Variants in VPS50 observed in about 807,000 individuals in gnomAD.
VPS50 encodes VPS50 subunit of EARP/GARPII complex, also known as syndetin.
VPS50 carries 70 observed loss-of-function variants against 139.7 expected under a neutral mutation model. The observed-to-expected ratio is 0.50, with a 90% confidence interval of 0.41 to 0.61. VPS50 has a LOEUF of 0.61. VPS50 is among the 20% of genes least tolerant of loss of function. The pLI is 0.00. For synonymous variants in VPS50, 365 were observed against 376.7 expected, an observed-to-expected ratio of 0.97 and a Z score of 0.36; for missense variants, 921 against 1,133.7, an observed-to-expected ratio of 0.81 and a Z score of 2.69.
At chr7:93,256,298 A>G in intron 4 of VPS50, 1 of 332,380 alleles carries the variant, frequency 3.0e-6, no homozygotes, top group Non-Finnish European at 5.4e-6. Context: ...TCTGTTAAGG[A>G]CCAGGACCTG....
At chr7:93,299,015 G>GT (rs1179833954) in intron 16 of VPS50, among the ~76,000 whole-genome samples, 2 of 152,012 alleles carry the variant, frequency 1.3e-5, no homozygotes, top group African/African-American at 2.4e-5. Context: ...ATCTTGACCC[G>GT]TTTTTTTGCA....
At chr7:93,349,801 CAG>C (rs1222471404) in intron 24 of VPS50, 72 bp from the exon 25 acceptor site, 21 of 1,082,084 alleles carry the variant, frequency 1.9e-5, no homozygotes, top group South Asian at 3.0e-5. Flanking sequence ...ATACTGGAAA[CAG>C]GGGCAAGTAT....
At chr7:93,311,758 T>C (rs1291142656) in intron 20 of VPS50, among the ~76,000 whole-genome samples, 2 of 152,282 alleles carry the variant, frequency 1.3e-5, no homozygotes, top group African/African-American at 4.8e-5. Flanking sequence ...AAGACCTTTA[T>C]TGATGATTTT....
intron 19 of VPS50, among the ~76,000 whole-genome samples, chr7:93,309,628 A>T (rs973195780): frequency 6.6e-6 from 1 of 151,834 alleles, no homozygotes; most frequent in Non-Finnish European, 1.5e-5. Flanking sequence ...TATTTCCCCT[A>T]TGTCATTTTT....
At chr7:93,260,808 G>A (rs1214089106) in intron 9 of VPS50, among the ~76,000 whole-genome samples, 1 of 152,104 alleles carries the variant, frequency 6.6e-6, no homozygotes, top group Non-Finnish European at 1.5e-5. Context: ...CGATTCTCCT[G>A]CCTCATTCTC....
intron 20 of VPS50, among the ~76,000 whole-genome samples, chr7:93,317,642 G>A (rs1416185427): frequency 1.3e-5 from 2 of 152,122 alleles, no homozygotes; most frequent in Non-Finnish European, 2.9e-5. Flanking sequence ...ACCTGAAAAC[G>A]GGCACCTTTA....
At chr7:93,254,328 T>A (rs1286191102) in intron 4 of VPS50, among the ~76,000 whole-genome samples, 1 of 152,222 alleles carries the variant, frequency 6.6e-6, no homozygotes, top group East Asian at 1.9e-4. Context: ...AGAGTGCGAT[T>A]GCACGATCAT....
At chr7:93,350,449 T>C (rs1428069200) in intron 25 of VPS50, among the ~76,000 whole-genome samples, 1 of 152,114 alleles carries the variant, frequency 6.6e-6, no homozygotes, top group Non-Finnish European at 1.5e-5. Flanking sequence ...TACAAACACC[T>C]CTTTGGAGCC....
Position 93,306,027 on chromosome 7 carries a change from A to C in VPS50, c.1629+23A>C, listed in dbSNP as rs770444271. 4.4e-6 allele frequency: 7 copies of C among 1,578,572 alleles called. No individual in the cohort carries two copies. The East Asian group carries it at 1.6e-4, about 35-fold the overall frequency. ...GGGGTATGTGGTGTATGTGAAACATAAGTGAGTTTTTTTTATTTAAAACTG... is the reference window on the plus strand; with the variant it reads ...GGGGTATGTGGTGTATGTGAAACATCAGTGAGTTTTTTTTATTTAAAACTG... On this transcript the variant is annotated intron_variant, in intron 18 of 27. Coordinates refer to ENST00000305866, the MANE Select transcript of VPS50 (RefSeq NM_017667.4).
Position 93,323,710 on chromosome 7 carries a change from C to A in VPS50, c.1955C>A (p.Thr652Asn), listed in dbSNP as rs755738874. 11 of 1,429,028 alleles carry A rather than the reference C, an allele frequency of 7.7e-6. No individual in the cohort carries two copies. The highest frequency in any genetic ancestry group is 9.4e-7 in the Non-Finnish European group (1 of 1,067,336). The allele number at this position is 1,429,028 out of a possible 1,614,324, so 88.5% of individuals were successfully genotyped here. The change falls in exon 21 of 28, where the codon ACC (threonine) becomes AAC (asparagine). Residue 652 changes from threonine to asparagine, a missense_variant. Coordinates refer to ENST00000305866, the MANE Select transcript of VPS50 (RefSeq NM_017667.4). ...LFDYYLYAIY[T>N]FFGRNDSLES... ...GATTATTACTTGTATGCAATATATA[C>A]CTTTTTTGGTCGGAATGATTCAGTA... is the stretch of plus-strand genomic sequence containing the variant.
intron 1 of VPS50, among the ~76,000 whole-genome samples, chr7:93,235,591 C>T (rs1019704740): frequency 6.6e-6 from 1 of 152,028 alleles, no homozygotes; most frequent in Non-Finnish European, 1.5e-5. Context: ...ACAGAATTTC[C>T]TGACAGATTG....
At chr7:93,330,884 A>G (rs577188556) in intron 21 of VPS50, among the ~76,000 whole-genome samples, 1 of 152,214 alleles carries the variant, frequency 6.6e-6, no homozygotes, top group African/African-American at 2.4e-5. Context: ...TGCAGATGAC[A>G]TGGGAAACCC....
chr7:93,237,006 A>G (rs1015339984), intron 1 of VPS50, among the ~76,000 whole-genome samples: 1 of 116,976 alleles, frequency 8.5e-6, no homozygotes, highest in Non-Finnish European at 1.6e-5. Context: ...GCTGGAGTGC[A>G]GTGGAGCGAT....
intron 19 of VPS50, among the ~76,000 whole-genome samples, chr7:93,309,278 T>G (rs1797200293): frequency 6.6e-6 from 1 of 152,134 alleles, no homozygotes; most frequent in South Asian, 2.1e-4. Flanking sequence ...ATTTAAAAAC[T>G]TTTAAGTGGC....
In VPS50 at chr7:93,291,776, A is replaced by G; in HGVS notation, c.1016A>G (p.Tyr339Cys). ...GCACTATGGGAAGTTATGCTCAGCT[A>G]TTATAGGACTATGGAATGGCATGAA... Reference protein sequence around the residue: ...CKALWEVMLSYYRTMEWHEKH... With the variant: ...CKALWEVMLSCYRTMEWHEKH... Residue 339 changes from tyrosine (Y) to cysteine (C), a missense_variant, in exon 13 of 28, where the codon TAT becomes TGT. Tyr to Cys is a radical substitution (Grantham distance 194, BLOSUM62 -2). Transcript: ENST00000305866. 1 of 1,602,640 alleles carries G rather than the reference A, an allele frequency of 6.2e-7. No individual in the cohort carries two copies. The highest frequency in any genetic ancestry group is 8.5e-7 in the Non-Finnish European group (1 of 1,171,010).
chr7:93,315,215 G>A (rs1372837745), intron 20 of VPS50, among the ~76,000 whole-genome samples: 1 of 151,830 alleles, frequency 6.6e-6, no homozygotes, highest in African/African-American at 2.4e-5. Context: ...ATATCTTAAT[G>A]TATTACCTAT....
intron 10 of VPS50, 44 bp from the exon 11 acceptor site, chr7:93,272,591 C>A: frequency 1.2e-6 from 1 of 819,446 alleles, no homozygotes; most frequent in Non-Finnish European, 1.9e-6. Context: ...GCCTTGAAAA[C>A]ATAATTCCTT....
In VPS50 at chr7:93,307,195, C is replaced by T. The variant is rs151021608; in HGVS notation, c.1629+1191C>T. ...TTAGGTTCCTGTGAGCCTCGGGTTA[C>T]GACATGTTTATCAGCCCATCAGTAC... On this transcript the variant is annotated intron_variant, in intron 18 of 27. Coordinates refer to ENST00000305866, the MANE Select transcript of VPS50 (RefSeq NM_017667.4). Among the ~76,000 whole-genome samples the T allele has an allele frequency of 2.8e-3, 426 of 151,940 alleles. 5 individuals are homozygous for T. Among genetic ancestry groups the T allele is most frequent in the African/African-American group, 9.8e-3 (408 of 41,474 alleles).
intron 9 of VPS50, among the ~76,000 whole-genome samples, chr7:93,267,040 A>G (rs1795863265): frequency 6.6e-6 from 1 of 152,230 alleles, no homozygotes; most frequent in Admixed American, 6.5e-5. Flanking sequence ...AATAACAGCC[A>G]TAAAAACATC....
Sources: gnomAD v4.1 joint callset for allele counts (sites outside exome capture counted in the v4.1 genomes callset) on GRCh38, gnomAD v4.1.1 for gene constraint, MANE v1.5 for transcripts, NCBI Gene and HGNC (gene_info 2026-07-23, HGNC 2026-07-21) for gene names.